Variants in PTPRM observed in about 807,000 individuals in gnomAD.
The protein encoded by PTPRM is protein tyrosine phosphatase receptor type M.
Under a neutral mutation model 186.7 loss-of-function variants are expected in PTPRM, and 47 were observed. The ratio of observed to expected loss-of-function variants is 0.25; its 90% confidence interval spans 0.20 to 0.32. The LOEUF (loss-of-function observed/expected upper bound fraction) is 0.32, where lower values mean the gene tolerates loss of function less well. Among genes scored for constraint, PTPRM ranks in the 10% least tolerant of loss-of-function variants. PTPRM has a pLI of 1.00. For missense variants in PTPRM, 1,494 were observed against 1,865.0 expected, an observed-to-expected ratio of 0.80 and a Z score of 3.66; for synonymous variants, 668 against 674.9, an observed-to-expected ratio of 0.99 and a Z score of 0.16.
At chr18:8,229,679 C>T (rs2094260528) in intron 14 of PTPRM, among the ~76,000 whole-genome samples, 1 of 152,116 alleles carries the variant, frequency 6.6e-6, no homozygotes, top group South Asian at 2.1e-4. Context: ...ATCATAGATA[C>T]ATGTAATTTC....
chr18:8,406,614 A>G lies in PTPRM; in HGVS notation c.*452A>G, dbSNP rs2095907442. 6.2e-6 allele frequency: 1 copy of G among 160,872 alleles called. No homozygotes were observed. Among genetic ancestry groups the G allele is most frequent in the Admixed American group, 5.8e-5 (1 of 17,264 alleles). 10.0% of individuals were successfully genotyped at this position (160,872 alleles called of 1,614,324 possible). ...TTTGTACTTTAACATGTTGCATAAT[A>G]TATGCTTATGTAGCTTTCCAGGACT... On this transcript the variant is annotated 3_prime_UTR_variant, in exon 33 of 33. Coordinates refer to ENST00000580170, the MANE Select transcript of PTPRM (RefSeq NM_001105244.2).
chr18:8,186,325 C>CAAAAAAAA (rs5822996), intron 14 of PTPRM, among the ~76,000 whole-genome samples: 1 of 94,786 alleles, frequency 1.1e-5, no homozygotes, highest in Non-Finnish European at 2.2e-5. Context: ...TACTCCATCT[C>CAAAAAAAA]AAAAAAAAAA....
chr18:7,890,097 G>T (rs143892397), intron 3 of PTPRM, among the ~76,000 whole-genome samples: 1 of 152,060 alleles, frequency 6.6e-6, no homozygotes, highest in Non-Finnish European at 1.5e-5. Flanking sequence ...TTTCTTTTTT[G>T]TCCACAGCAT....
intron 19 of PTPRM, among the ~76,000 whole-genome samples, chr18:8,283,825 G>A (rs2094928700): frequency 6.6e-6 from 1 of 151,866 alleles, no homozygotes; most frequent in South Asian, 2.1e-4. Context: ...GTCTCGCTAT[G>A]TTGCCCAGGC....
At chr18:7,909,882 C>T (rs1324309932) in intron 4 of PTPRM, among the ~76,000 whole-genome samples, 1 of 152,168 alleles carries the variant, frequency 6.6e-6, no homozygotes, top group East Asian at 1.9e-4. Flanking sequence ...ATCAGCAGCT[C>T]TCTAGCATAT....
chr18:7,727,103 G>A (rs765532702), intron 1 of PTPRM, among the ~76,000 whole-genome samples: 4 of 151,842 alleles, frequency 2.6e-5, no homozygotes, highest in Non-Finnish European at 5.9e-5. Context: ...ATAATGGAAC[G>A]GGTGACTTGA....
chr18:8,243,730 G>C (rs1206969288), intron 14 of PTPRM, among the ~76,000 whole-genome samples: 1 of 152,228 alleles, frequency 6.6e-6, no homozygotes, highest in Non-Finnish European at 1.5e-5. Flanking sequence ...GTAACAATTA[G>C]ATTATGATTG....
At position 7,917,663 on chromosome 18, in the gene PTPRM, T is replaced by C. The variant is rs149557468; in HGVS notation, c.548-8905T>C. 1.6e-3 allele frequency among the ~76,000 whole-genome samples: 243 copies of C among 152,330 alleles called. 1 individual carries two copies. The highest frequency in any genetic ancestry group is 5.4e-3 in the African/African-American group (223 of 41,566). On this transcript the variant is annotated intron_variant, in intron 4 of 32. Transcript: ENST00000580170. The stretch of plus-strand genomic sequence containing the variant: ...TAACTGGGATATCCATCACCTTAAC[T>C]ATTGTCTTTATGCTAGAAAAATTTG...
chr18:7,715,373 A>G (rs1449352885), intron 1 of PTPRM, among the ~76,000 whole-genome samples: 2 of 152,210 alleles, frequency 1.3e-5, no homozygotes, highest in African/African-American at 4.8e-5. Flanking sequence ...AATAAGAGCT[A>G]TTTATAACAA....
In PTPRM at chr18:7,871,507, T is replaced by G. The variant is rs181642944; in HGVS notation, c.197-16599T>G. On this transcript the variant is annotated intron_variant, in intron 2 of 32. Transcript: ENST00000580170. The stretch of plus-strand genomic sequence containing the variant: ...CTTACTCTGTTAGACTGGAAGCTTC[T>G]GAGGGGCCGTGGACATGTCTTTTTC... Among the ~76,000 whole-genome samples the G allele has an allele frequency of 2.3e-3, 344 of 152,332 alleles. 5 individuals are homozygous for G. The highest frequency in any genetic ancestry group is 7.9e-3 in the African/African-American group (330 of 41,594).
intron 14 of PTPRM, among the ~76,000 whole-genome samples, chr18:8,216,195 T>C (rs2147016979): frequency 6.6e-6 from 1 of 152,340 alleles, no homozygotes; most frequent in East Asian, 1.9e-4. Context: ...TCTCTCTCTC[T>C]CTTTTTTCTT....
Position 8,099,951 on chromosome 18 carries a change from G to A in PTPRM, c.1856+11100G>A, listed in dbSNP as rs531889212. On this transcript the variant is annotated intron_variant, in intron 11 of 32. Coordinates refer to ENST00000580170, the MANE Select transcript of PTPRM (RefSeq NM_001105244.2). The stretch of plus-strand genomic sequence containing the variant: ...TTTATAAAGAAAAGAGGTTTAATTG[G>A]CTCAGCATTCTGCAGGCTTTACAGG... Among the ~76,000 whole-genome samples the A allele has an allele frequency of 4.6e-5, 7 of 152,228 alleles. No individual in the cohort carries two copies. In the South Asian group the frequency reaches 1.5e-3, roughly 32 times the overall value.
chr18:7,801,617 C>T (rs969022253), intron 2 of PTPRM, among the ~76,000 whole-genome samples: 1 of 152,078 alleles, frequency 6.6e-6, no homozygotes, highest in Non-Finnish European at 1.5e-5. Flanking sequence ...TCATTTATTA[C>T]CTTTATCAAG....
chr18:8,034,146 G>GC (rs1048826671), intron 7 of PTPRM, among the ~76,000 whole-genome samples: 1 of 146,632 alleles, frequency 6.8e-6, no homozygotes, highest in Non-Finnish European at 1.5e-5. Context: ...CCTGTGTAAA[G>GC]TTTTTTTTTT....
At position 7,929,752 on chromosome 18, in the gene PTPRM, C is replaced by G. The variant is rs921778005; in HGVS notation, c.663+3069C>G. On this transcript the variant is annotated intron_variant, in intron 5 of 32. Transcript: ENST00000580170. Reference sequence around the variant, plus strand: ...TCAGCAGATGCTGGTTTTGCACAGCCCTTCCTGCCCTCTTGCCCAGGACCC... The same window carrying G: ...TCAGCAGATGCTGGTTTTGCACAGCGCTTCCTGCCCTCTTGCCCAGGACCC... Among the ~76,000 whole-genome samples, 8 of 152,122 alleles carry G rather than the reference C, an allele frequency of 5.3e-5. No individual in the cohort carries two copies. In the East Asian group the frequency reaches 1.2e-3, roughly 22 times the overall value.
chr18:8,341,048 T>G (rs1041446661), intron 22 of PTPRM, among the ~76,000 whole-genome samples: 1 of 97,842 alleles, frequency 1.0e-5, no homozygotes, highest in Non-Finnish European at 2.1e-5. Context: ...GTATAGTGCT[T>G]GGGAGCAGTG....
intron 7 of PTPRM, among the ~76,000 whole-genome samples, chr18:7,984,581 A>G (rs1227199072): frequency 9.4e-6 from 1 of 106,730 alleles, no homozygotes; most frequent in South Asian, 2.9e-4. Flanking sequence ...CCATATATAT[A>G]TATATATATA....
At chr18:7,922,173 A>G (rs7237870) in intron 4 of PTPRM, among the ~76,000 whole-genome samples, 40,946 of 152,002 alleles carry the variant, frequency 0.27, 5,918 homozygotes, top group East Asian at 0.44. Flanking sequence ...CCTGAATTTG[A>G]GAGGTCCCAA....
intron 14 of PTPRM, among the ~76,000 whole-genome samples, chr18:8,218,893 G>A (rs553646236): frequency 1.1e-4 from 17 of 152,286 alleles, no homozygotes; most frequent in Admixed American, 2.0e-4. Flanking sequence ...GTAACTCTTG[G>A]TTCTTAGAAC....
Sources: gnomAD v4.1 joint callset for allele counts (sites outside exome capture counted in the v4.1 genomes callset) on GRCh38, gnomAD v4.1.1 for gene constraint, MANE v1.5 for transcripts, NCBI Gene and HGNC (gene_info 2026-07-23, HGNC 2026-07-21) for gene names.